The following ABCC9 variants were observed in gnomAD, a reference collection of about 807,000 sequenced individuals.
ABCC9 encodes ATP binding cassette subfamily C member 9, also known as ATP-binding cassette sub-family C member 9.
ABCC9 carries 95 observed loss-of-function variants against 188.3 expected under a neutral mutation model. The ratio of observed to expected loss-of-function variants is 0.50; its 90% CI spans 0.43 to 0.60. ABCC9 has a LOEUF of 0.60. Ranked by LOEUF, ABCC9 falls within the 20% of genes least tolerant of loss-of-function variation. The pLI, the probability that ABCC9 is intolerant of heterozygous loss-of-function variation, is 0.00. For synonymous variants in ABCC9, 659 were observed against 652.7 expected (o/e 1.01, Z -0.15); for missense variants, 1,102 against 1,876.3 (o/e 0.59, Z 7.62).
intron 2 of ABCC9, among the ~76,000 whole-genome samples, chr12:21,937,047 T>C (rs1156251522): frequency 6.6e-6 from 1 of 152,142 alleles, no homozygotes; most frequent in Non-Finnish European, 1.5e-5. Flanking sequence ...ATTGAACCAA[T>C]GACTAAAAAG....
chr12:21,939,343 A>T (rs1949610502), intron 2 of ABCC9, among the ~76,000 whole-genome samples: 1 of 152,164 alleles, frequency 6.6e-6, no homozygotes, highest in South Asian at 2.1e-4. Context: ...TGGCACTCTA[A>T]CAGCCAGCCT....
intron 6 of ABCC9, among the ~76,000 whole-genome samples, chr12:21,916,616 G>A (rs1278873501): frequency 1.3e-5 from 2 of 152,130 alleles, no homozygotes; most frequent in Non-Finnish European, 2.9e-5. Context: ...TAACCCAGGT[G>A]TGCTTTGAGA....
Position 21,801,039 on chromosome 12 carries a change from C to G in ABCC9, c.*5G>C, listed in dbSNP as rs876657736. ...TAAATACATGTATTGTTTTAAGACACTCCTTCACATGTCTGCGCGAACAAA... is the reference window on the plus strand; with the variant it reads ...TAAATACATGTATTGTTTTAAGACAGTCCTTCACATGTCTGCGCGAACAAA... On this transcript the variant is annotated 3_prime_UTR_variant, in exon 40 of 40. Transcript: ENST00000261200. 9 of 1,613,652 alleles carry G rather than the reference C, an allele frequency of 5.6e-6. No homozygotes were observed. Among genetic ancestry groups the G allele is most frequent in the Non-Finnish European group, 6.8e-6 (8 of 1,179,856 alleles).
At chr12:21,823,995 A>G (rs1943205457) in intron 31 of ABCC9, among the ~76,000 whole-genome samples, 1 of 152,206 alleles carries the variant, frequency 6.6e-6, no homozygotes, top group Non-Finnish European at 1.5e-5. Flanking sequence ...TTCAAAATGA[A>G]TATGATATGA....
intron 32 of ABCC9, 55 bp downstream of exon 32, chr12:21,818,095 T>C: frequency 1.5e-6 from 2 of 1,301,304 alleles, no homozygotes; most frequent in Non-Finnish European, 2.2e-6. Flanking sequence ...CATTTATGAG[T>C]GAGAACATGC....
intron 12 of ABCC9, among the ~76,000 whole-genome samples, chr12:21,905,533 CTT>C (rs1293578446): frequency 1.3e-5 from 2 of 151,934 alleles, no homozygotes; most frequent in Non-Finnish European, 2.9e-5. Context: ...AGAACGATGT[CTT>C]TTGTTTCCAA....
intron 5 of ABCC9, among the ~76,000 whole-genome samples, chr12:21,921,761 C>A (rs911971187): frequency 2.0e-5 from 3 of 151,900 alleles, no homozygotes; most frequent in African/African-American, 7.2e-5. Flanking sequence ...TGGTGAGAGA[C>A]AAGGGTCTAG....
chr12:21,810,084 C>A lies in ABCC9; in HGVS notation c.4212-129G>T, dbSNP rs74069169. ...TTTGGTTACTGCTGTATATTCAGCA[C>A]CTAGAACAGTGCCCAGAGCAGTGCA... is the stretch of plus-strand genomic sequence containing the variant. On this transcript the variant is annotated intron_variant, in intron 36 of 39. Coordinates refer to ENST00000261200, the MANE Select transcript of ABCC9 (RefSeq NM_020297.4). 7.0e-3 allele frequency: 4,706 copies of A among 669,266 alleles called. 172 individuals carry two copies. The African/African-American group carries it at 0.074, about 11-fold the overall frequency. The allele number at this position is 669,266 out of a possible 1,614,324, so 41.5% of individuals were successfully genotyped here. A position where few individuals can be genotyped will look rare whatever the true frequency, so the allele number is the denominator to read the frequency against.
intron 30 of ABCC9, among the ~76,000 whole-genome samples, chr12:21,829,386 A>G (rs574675514): frequency 6.6e-6 from 1 of 151,666 alleles, no homozygotes; most frequent in African/African-American, 2.4e-5. Flanking sequence ...TATTTTTAGT[A>G]GAGACGAGGT....
intron 2 of ABCC9, among the ~76,000 whole-genome samples, chr12:21,939,587 C>G (rs564477815): frequency 6.6e-6 from 1 of 152,228 alleles, no homozygotes; most frequent in South Asian, 2.1e-4. Context: ...TCCTTCAGCT[C>G]CACCCCTTCT....
intron 13 of ABCC9, among the ~76,000 whole-genome samples, chr12:21,894,957 C>T (rs1175291800): frequency 2.0e-5 from 3 of 152,134 alleles, no homozygotes; most frequent in Non-Finnish European, 4.4e-5. Context: ...GCAATGTTTG[C>T]AAATGTACCA....
At chr12:21,836,113 C>T (rs1944068379) in intron 30 of ABCC9, among the ~76,000 whole-genome samples, 1 of 152,158 alleles carries the variant, frequency 6.6e-6, no homozygotes, top group Admixed American at 6.5e-5. Context: ...CCTTATCCTG[C>T]CTTTGTAATC....
intron 39 of ABCC9, among the ~76,000 whole-genome samples, chr12:21,802,407 G>A (rs1016042040): frequency 9.9e-5 from 15 of 152,080 alleles, no homozygotes; most frequent in Non-Finnish European, 1.9e-4. Flanking sequence ...GGAGCCACAA[G>A]TAATTTTAAA....
chr12:21,811,862 G>A (rs926216804), intron 36 of ABCC9, among the ~76,000 whole-genome samples, 187 bp downstream of exon 36: 3 of 152,088 alleles, frequency 2.0e-5, no homozygotes, highest in Admixed American at 6.6e-5. Context: ...AGATCTCCTG[G>A]AAACATAATT....
At chr12:21,858,387 AAT>A (rs1049071445) in intron 22 of ABCC9, among the ~76,000 whole-genome samples, 2 of 151,956 alleles carry the variant, frequency 1.3e-5, no homozygotes, top group Non-Finnish European at 2.9e-5. Flanking sequence ...CAGCCTGACC[AAT>A]ATGGTGAAAC....
chr12:21,803,498 A>G (rs1941618729), intron 39 of ABCC9, among the ~76,000 whole-genome samples: 1 of 152,002 alleles, frequency 6.6e-6, no homozygotes, highest in Admixed American at 6.5e-5. Context: ...TCTACTAAAA[A>G]TACAAAATTA....
At position 21,887,766 on chromosome 12, in the gene ABCC9, G is replaced by A. The variant is rs554960826; in HGVS notation, c.1911+60C>T. ...TCTTCTAACTCAGTTGTATTAATCT[G>A]TCCATTCTGCTGAGACTGTCCTCTA... On this transcript the variant is annotated intron_variant, in intron 15 of 39. Transcript: ENST00000261200. 28 of 1,073,924 alleles carry A rather than the reference G, an allele frequency of 2.6e-5. No homozygotes were observed. In the East Asian group the frequency reaches 4.2e-4, roughly 16 times the overall value. The allele number at this position is 1,073,924 out of a possible 1,614,324, so 66.5% of individuals were successfully genotyped here.
chr12:21,834,575 T>C (rs1450123225), intron 30 of ABCC9, among the ~76,000 whole-genome samples: 1 of 152,080 alleles, frequency 6.6e-6, no homozygotes, highest in Middle Eastern at 3.2e-3. Context: ...GGGCCTTTAA[T>C]GGCCTCTAGG....
chr12:21,812,656 A>G (rs1338633947), intron 35 of ABCC9, among the ~76,000 whole-genome samples: 1 of 152,122 alleles, frequency 6.6e-6, no homozygotes, highest in Non-Finnish European at 1.5e-5. Context: ...CAATGAGAAC[A>G]CATGGACACA....
Sources: gnomAD v4.1 joint callset for allele counts (sites outside exome capture counted in the v4.1 genomes callset) on GRCh38, gnomAD v4.1.1 for gene constraint, MANE v1.5 for transcripts, NCBI Gene and HGNC (gene_info 2026-07-23, HGNC 2026-07-21) for gene names.